HIVEP1: variants seen among roughly 807,000 people sequenced by gnomAD.
HIVEP1 encodes HIVEP zinc finger 1.
A neutral mutation model predicts 180.0 loss-of-function variants in HIVEP1; 36 were observed. The ratio of observed to expected loss-of-function variants is 0.20; its 90% CI spans 0.15 to 0.26. The LOEUF is 0.26. HIVEP1 is among the 10% of genes least tolerant of loss of function. HIVEP1 has a pLI of 1.00. For synonymous variants in HIVEP1, 1,239 were observed against 1,239.0 expected, an observed-to-expected ratio of 1.00 and a Z score of 0.00; for missense variants, 3,143 against 3,268.7, an observed-to-expected ratio of 0.96 and a Z score of 0.94.
rs1489852721 is a variant in HIVEP1 at position 12,121,574 on chromosome 6, G to C, written c.1779G>C (p.Gln593His). The C allele has an allele frequency of 6.2e-7, 1 of 1,614,082 alleles. No individual in the cohort carries two copies. Among genetic ancestry groups the C allele is most frequent in the Admixed American group, 1.7e-5 (1 of 60,010 alleles). ...CTGAACTTTCTAGTGCACAAAAGCAGAAGGACCTTCAGGTGACAAACGTAC... is the reference window on the plus strand; with the variant it reads ...CTGAACTTTCTAGTGCACAAAAGCACAAGGACCTTCAGGTGACAAACGTAC... ...PKPELSSAQKQKDLQVTNVQP... is the reference protein window; with the variant it reads ...PKPELSSAQKHKDLQVTNVQP... Residue 593 changes from glutamine to histidine, a missense_variant, in exon 4 of 9, where the codon CAG becomes CAC. Physicochemically the swap from Gln to His is conservative, Grantham distance 24. Transcript: ENST00000379388. The surrounding 1 kb of genome is among the most constrained non-coding windows in gnomAD (Gnocchi z 5.3).
At chr6:12,129,142 T>G (rs1758268455) in intron 4 of HIVEP1, among the ~76,000 whole-genome samples, 1 of 152,126 alleles carries the variant, frequency 6.6e-6, no homozygotes, top group Non-Finnish European at 1.5e-5. Flanking sequence ...CCCAGGAGTT[T>G]GAGGCTGCAG....
At chr6:12,148,741 G>C (rs558216617) in intron 7 of HIVEP1, among the ~76,000 whole-genome samples, 30 of 152,270 alleles carry the variant, frequency 2.0e-4, no homozygotes, top group African/African-American at 6.5e-4. Flanking sequence ...ATCAAAGTCA[G>C]CCTCTTTTAT....
intron 2 of HIVEP1, among the ~76,000 whole-genome samples, chr6:12,028,244 G>A (rs375742079): frequency 1.3e-3 from 196 of 152,282 alleles, no homozygotes; most frequent in Non-Finnish European, 2.4e-3. Context: ...TTATAAGCCC[G>A]TCTGGACTTC....
At position 12,123,852 on chromosome 6, in the gene HIVEP1, A is replaced by G. The variant is rs771217427; in HGVS notation, c.4057A>G (p.Thr1353Ala). ...EFLMIPAGLN[T>A]LNVPGCHREM... ...TCTTATGATTCCAGCTGGCTTGAAT[A>G]CTCTGAATGTTCCTGGATGTCACCG... The change falls in exon 4 of 9, where the codon ACT (threonine) becomes GCT (alanine). Residue 1353 changes from threonine to alanine, a missense_variant. Physicochemically the swap from Thr to Ala is moderately conservative, Grantham distance 58. Around this residue, in one of 12 missense-constraint regions of HIVEP1, gnomAD observed 1,357 missense variants for 1,260.5 expected, o/e 1.08. Coordinates refer to ENST00000379388, the MANE Select transcript of HIVEP1 (RefSeq NM_002114.4). The G allele has an allele frequency of 2.5e-6, 4 of 1,614,022 alleles. No homozygotes were observed. The highest frequency in any genetic ancestry group is 3.3e-4 in the Middle Eastern group (2 of 6,062).
At chr6:12,207,572 G>A in the HIVEP1 span, among the ~76,000 whole-genome samples, 6 of 151,940 alleles carry the variant, frequency 3.9e-5, no homozygotes, top group Admixed American at 1.3e-4. Flanking sequence ...AGCCAGCGGG[G>A]CCACCAGCAG....
intron 2 of HIVEP1, among the ~76,000 whole-genome samples, chr6:12,018,085 CG>C (rs1470299549): frequency 6.6e-6 from 1 of 152,186 alleles, no homozygotes; most frequent in Non-Finnish European, 1.5e-5. Context: ...AGCTAAAGCC[CG>C]GCGAGAAATC....
chr6:12,042,834 G>A (rs1268787072), intron 2 of HIVEP1, among the ~76,000 whole-genome samples: 1 of 152,042 alleles, frequency 6.6e-6, no homozygotes, highest in Admixed American at 6.5e-5. Flanking sequence ...TTTTCTTTCA[G>A]TGATACATAA....
rs368241017 is a variant in HIVEP1, at chr6:12,125,650, C to T, written c.5855C>T (p.Ser1952Leu). The T allele has an allele frequency of 2.1e-4, 332 of 1,613,994 alleles. No homozygotes were observed. The highest frequency in any genetic ancestry group is 2.7e-4 in the Non-Finnish European group (314 of 1,179,982). ...FTWCYLLRQK[S>L]LHLPQKDQKT... ...TGGTGTTATCTCTTAAGGCAGAAGT[C>T]GTTGCATTTGCCTCAGAAGGACCAG... Residue 1952 changes from serine (S) to leucine (L), a missense_variant, in exon 4 of 9, where the codon TCG becomes TTG. By Grantham distance (145) the Ser-to-Leu change is moderately radical. This residue lies in a region of HIVEP1 where 1,357 missense variants were observed against 1,260.5 expected (regional missense o/e 1.08). Transcript: ENST00000379388.
Position 12,120,292 on chromosome 6 carries a change from G to A in HIVEP1, c.497G>A (p.Ser166Asn), listed in dbSNP as rs1775490362. The A allele has an allele frequency of 4.3e-6, 7 of 1,614,040 alleles. No individual in the cohort carries two copies. The highest frequency in any genetic ancestry group is 1.7e-5 in the Admixed American group (1 of 59,996). The change falls in exon 4 of 9, where the codon AGT becomes AAT. Residue 166 changes from serine (S) to asparagine (N), a missense_variant. This residue lies in a region of HIVEP1 where 306 missense variants were observed against 310.6 expected (regional missense o/e 0.99). Coordinates refer to ENST00000379388, the MANE Select transcript of HIVEP1 (RefSeq NM_002114.4). ...FSDLDEQCDS[S>N]SLSSKTRTDN... ...GACCTCGATGAACAATGTGACTCAA[G>A]TTCCTTGTCAAGTAAAACCAGGACT...
chr6:12,150,592 A>T (rs1759646700), intron 7 of HIVEP1, among the ~76,000 whole-genome samples: 2 of 152,224 alleles, frequency 1.3e-5, no homozygotes, highest in African/African-American at 4.8e-5. Flanking sequence ...TTTTTATAGA[A>T]CACATTATTA....
At chr6:12,177,341 C>A in the HIVEP1 span, among the ~76,000 whole-genome samples, 1 of 152,090 alleles carries the variant, frequency 6.6e-6, no homozygotes, top group Non-Finnish European at 1.5e-5. Flanking sequence ...TAAAATGATA[C>A]AAAGGGGCCA....
chr6:12,161,392 G>T, intron 7 of HIVEP1, 47 bp from the exon 8 acceptor site: 1 of 1,552,556 alleles, frequency 6.4e-7, no homozygotes, highest in Non-Finnish European at 8.7e-7. Flanking sequence ...TAGCACTTGT[G>T]CACTTGGAAA....
At chr6:12,010,653 G>T (rs1767227560), upstream of HIVEP1, among the ~76,000 whole-genome samples, 1 of 151,088 alleles carries the variant, frequency 6.6e-6, no homozygotes, top group Non-Finnish European at 1.5e-5. Flanking sequence ...TTCCTCTCAA[G>T]TTTGAGGTGG....
At chr6:12,082,525 C>T (rs1011991898) in intron 2 of HIVEP1, among the ~76,000 whole-genome samples, 2 of 152,072 alleles carry the variant, frequency 1.3e-5, no homozygotes, top group Non-Finnish European at 2.9e-5. Flanking sequence ...TCATAGAAAG[C>T]CCTATTTTTG....
chr6:12,049,839 A>G (rs542219997), intron 2 of HIVEP1, among the ~76,000 whole-genome samples: 19 of 152,224 alleles, frequency 1.2e-4, no homozygotes, highest in African/African-American at 4.6e-4. Context: ...ATGAGGGAAT[A>G]TTTTTGTTGT....
chr6:12,127,914 A>G (rs1758191106), intron 4 of HIVEP1, among the ~76,000 whole-genome samples: 1 of 152,228 alleles, frequency 6.6e-6, no homozygotes, highest in Non-Finnish European at 1.5e-5. Flanking sequence ...GCTATGGAGC[A>G]TGGATTACTG....
chr6:12,174,999 A>G, the HIVEP1 span, among the ~76,000 whole-genome samples: 1 of 152,318 alleles, frequency 6.6e-6, no homozygotes, highest in Non-Finnish European at 1.5e-5. Flanking sequence ...ACATAAGTTC[A>G]ATCTCTGTTC....
chr6:12,131,779 TAAAAAAAAAA>T (rs143910763), intron 6 of HIVEP1, among the ~76,000 whole-genome samples: 5 of 90,670 alleles, frequency 5.5e-5, no homozygotes, highest in African/African-American at 1.3e-4. Context: ...GAGAAAACAG[TAAAAAAAAAA>T]AAAAAAAAAA....
chr6:12,197,782 G>T, the HIVEP1 span, among the ~76,000 whole-genome samples: 1 of 152,114 alleles, frequency 6.6e-6, no homozygotes, highest in African/African-American at 2.4e-5. Flanking sequence ...AGATGGTAGA[G>T]AACAGACAAG....
Sources: gnomAD v4.1 joint callset for allele counts (sites outside exome capture counted in the v4.1 genomes callset) on GRCh38, gnomAD v4.1.1 for gene constraint, gnomAD v4.1.1 regional missense constraint, Gnocchi (gnomAD v3.1) non-coding constraint, MANE v1.5 for transcripts, NCBI Gene and HGNC (gene_info 2026-07-23, HGNC 2026-07-21) for gene names.